Variants in NMNAT3 observed in about 807,000 individuals in gnomAD.
NMNAT3 encodes the protein nicotinamide/nicotinic acid mononucleotide adenylyltransferase 3.
In NMNAT3, 21 loss-of-function variants were observed where a neutral mutation model predicts 24.8. The ratio of observed to expected loss-of-function variants is 0.85; its 90% CI spans 0.60 to 1.22. The LOEUF is 1.22. Among genes scored for constraint, NMNAT3 ranks in the 50% most tolerant of loss-of-function variants. The pLI, the probability that NMNAT3 is intolerant of heterozygous loss-of-function variation, is 0.00. For synonymous variants in NMNAT3, 136 were observed against 155.2 expected, an observed-to-expected ratio of 0.88 and a Z score of 0.92; for missense variants, 387 against 436.6, an observed-to-expected ratio of 0.89 and a Z score of 1.01.
chr3:139,580,851 G>T (rs1051649696), intron 4 of NMNAT3, among the ~76,000 whole-genome samples: 1 of 151,678 alleles, frequency 6.6e-6, no homozygotes, highest in Non-Finnish European at 1.5e-5. Context: ...ATCAAGCAAT[G>T]AAAGTTATCA....
rs572302876 is a variant in NMNAT3, at chr3:139,670,408, T to G, written c.-141+7297A>C. Among the ~76,000 whole-genome samples the G allele has an allele frequency of 1.2e-4, 19 of 152,304 alleles. No homozygotes were observed. In the East Asian group the frequency reaches 3.7e-3, roughly 29 times the overall value. On this transcript the variant is annotated intron_variant, in intron 1 of 6. Transcript: ENST00000643695. ...TCTGCGCTGGCTCTGGAGATCCCCATCAGGATTAAAGCCCAGATGCCCCTG... is the reference window on the plus strand; with the variant it reads ...TCTGCGCTGGCTCTGGAGATCCCCAGCAGGATTAAAGCCCAGATGCCCCTG...
intron 3 of NMNAT3, among the ~76,000 whole-genome samples, chr3:139,615,460 T>C (rs560521872): frequency 2.7e-5 from 4 of 146,414 alleles, no homozygotes; most frequent in Admixed American, 6.8e-5. Flanking sequence ...TCTATCTATC[T>C]ATCCATCCAC....
chr3:139,673,304 C>G (rs548260714), intron 1 of NMNAT3, among the ~76,000 whole-genome samples: 1 of 152,130 alleles, frequency 6.6e-6, no homozygotes, highest in Non-Finnish European at 1.5e-5. Context: ...AGACAACATC[C>G]GAGGAGGAGC....
chr3:139,604,919 G>A (rs961190860), intron 3 of NMNAT3, among the ~76,000 whole-genome samples: 1 of 152,164 alleles, frequency 6.6e-6, no homozygotes, highest in Admixed American at 6.5e-5. Flanking sequence ...AGAATGTGGT[G>A]GCAGAGCAAC....
At chr3:139,573,501 C>T (rs1938767674) in intron 6 of NMNAT3, 97 bp downstream of exon 6, 2 of 558,494 alleles carry the variant, frequency 3.6e-6, no homozygotes, top group Non-Finnish European at 6.0e-6. Flanking sequence ...GAGGGTTGGA[C>T]TCAAGTCCTC....
chr3:139,645,356 C>T (rs1390525698), intron 1 of NMNAT3, among the ~76,000 whole-genome samples: 2 of 152,086 alleles, frequency 1.3e-5, no homozygotes, highest in African/African-American at 4.8e-5. Context: ...TTGTGAATAA[C>T]AAATGTGGGG....
intron 1 of NMNAT3, among the ~76,000 whole-genome samples, chr3:139,654,557 G>C (rs1255998695): frequency 6.6e-6 from 1 of 152,184 alleles, no homozygotes; most frequent in Non-Finnish European, 1.5e-5. Context: ...CCTGATTATG[G>C]TACAGAGGCA....
chr3:139,662,156 C>T (rs2057436203), intron 1 of NMNAT3, among the ~76,000 whole-genome samples: 1 of 152,130 alleles, frequency 6.6e-6, no homozygotes, highest in Non-Finnish European at 1.5e-5. Context: ...CACAGGTTCA[C>T]AATATCCAGA....
chr3:139,658,900 C>T (rs151010215), intron 1 of NMNAT3, among the ~76,000 whole-genome samples: 2 of 152,200 alleles, frequency 1.3e-5, no homozygotes, highest in Non-Finnish European at 2.9e-5. Context: ...TTACCCTGAA[C>T]GTCCCCTTGT....
At chr3:139,665,709 C>G (rs1272382826) in intron 1 of NMNAT3, among the ~76,000 whole-genome samples, 1 of 138,770 alleles carries the variant, frequency 7.2e-6, no homozygotes, top group Non-Finnish European at 1.5e-5. Flanking sequence ...CAATAGAATA[C>G]TATTCATTTG....
intron 3 of NMNAT3, among the ~76,000 whole-genome samples, chr3:139,587,701 T>A (rs1162630134): frequency 3.3e-5 from 5 of 152,226 alleles, no homozygotes; most frequent in African/African-American, 1.2e-4. Flanking sequence ...AGTTGAATGT[T>A]ATAGAAAGCA....
intron 3 of NMNAT3, among the ~76,000 whole-genome samples, chr3:139,595,095 A>G (rs2054385272): frequency 6.6e-6 from 1 of 152,252 alleles, no homozygotes; most frequent in Admixed American, 6.5e-5. Context: ...CCTTAAGCTG[A>G]TAAACAACTT....
intron 1 of NMNAT3, among the ~76,000 whole-genome samples, chr3:139,645,634 C>G (rs1559947484): frequency 6.6e-6 from 1 of 152,186 alleles, no homozygotes; most frequent in Non-Finnish European, 1.5e-5. Context: ...TAAAGGGAAC[C>G]TACCTGCTGA....
intron 3 of NMNAT3, among the ~76,000 whole-genome samples, chr3:139,622,184 G>T (rs1167393247): frequency 6.6e-6 from 1 of 151,980 alleles, no homozygotes; most frequent in Admixed American, 6.6e-5. Flanking sequence ...GGCTGTTCTA[G>T]TTTACATTCT....
chr3:139,667,287 G>T (rs947212850), intron 1 of NMNAT3, among the ~76,000 whole-genome samples: 2 of 151,914 alleles, frequency 1.3e-5, no homozygotes, highest in African/African-American at 4.8e-5. Flanking sequence ...TTGTCTTTTT[G>T]ATAATAGTCA....
At chr3:139,665,602 T>A (rs2057551470) in intron 1 of NMNAT3, among the ~76,000 whole-genome samples, 1 of 152,134 alleles carries the variant, frequency 6.6e-6, no homozygotes, top group Non-Finnish European at 1.5e-5. Context: ...AGATGGCATA[T>A]GTTATTCACT....
At chr3:139,671,722 G>A (rs879205885) in intron 1 of NMNAT3, among the ~76,000 whole-genome samples, 1 of 152,168 alleles carries the variant, frequency 6.6e-6, no homozygotes, top group Admixed American at 6.5e-5. Flanking sequence ...AGCAGTCTTT[G>A]TTACTAAGTA....
In NMNAT3 at chr3:139,585,766, CCT is replaced by C. The variant is rs1254537465; in HGVS notation, c.110-2560_110-2559del. ...AGGGATATTTTATTCTTTCACTTTT[CCT>C]CTTTTGCCTCAGCACTAAAGCACTA... On this transcript the variant is annotated intron_variant, in intron 3 of 6. Coordinates refer to ENST00000643695, the MANE Select transcript of NMNAT3 (RefSeq NM_001320510.2). Among the ~76,000 whole-genome samples the C allele has an allele frequency of 3.3e-5, 5 of 152,270 alleles. No individual in the cohort carries two copies. The East Asian group carries it at 9.7e-4, about 29-fold the overall frequency.
intron 1 of NMNAT3, among the ~76,000 whole-genome samples, chr3:139,640,827 G>T (rs1045248452): frequency 6.6e-6 from 1 of 152,180 alleles, no homozygotes; most frequent in Non-Finnish European, 1.5e-5. Flanking sequence ...ACTGAGCTAT[G>T]AGCAGACTGC....
Sources: gnomAD v4.1 joint callset for allele counts (sites outside exome capture counted in the v4.1 genomes callset) on GRCh38, gnomAD v4.1.1 for gene constraint, MANE v1.5 for transcripts, NCBI Gene and HGNC (gene_info 2026-07-23, HGNC 2026-07-21) for gene names.